NBEA: variants seen among roughly 807,000 people sequenced by gnomAD.
The protein encoded by NBEA is lysosomal-trafficking regulator 2.
In NBEA, 44 loss-of-function variants were observed where a neutral mutation model predicts 343.4. The observed-to-expected ratio is 0.13, with a 90% CI of 0.10 to 0.16. The LOEUF is 0.16. Among genes scored for constraint, NBEA ranks in the 10% least tolerant of loss-of-function variants. The pLI, the probability that NBEA is intolerant of heterozygous loss-of-function variation, is 1.00. For missense variants in NBEA, 2,555 were observed against 3,631.3 expected (o/e 0.70, Z 7.62); for synonymous variants, 1,175 against 1,238.7 (o/e 0.95, Z 1.08).
At chr13:35,513,302 ATTTTTTT>A (rs754363500) in intron 41 of NBEA, among the ~76,000 whole-genome samples, 7 of 72,260 alleles carry the variant, frequency 9.7e-5, no homozygotes, top group Admixed American at 3.6e-4. Context: ...ACACCTGGCA[ATTTTTTT>A]TTTTTTTTTT....
chr13:35,617,095 G>A (rs1397712561), intron 48 of NBEA, among the ~76,000 whole-genome samples: 4 of 152,144 alleles, frequency 2.6e-5, no homozygotes, highest in African/African-American at 9.7e-5. Context: ...GTGCATCTCT[G>A]GAAATATAAA....
chr13:35,066,021 G>A (rs961726053), intron 8 of NBEA, among the ~76,000 whole-genome samples: 16 of 152,212 alleles, frequency 1.1e-4, no homozygotes, highest in African/African-American at 3.9e-4. Flanking sequence ...GAGTGCAGTG[G>A]TGCAGTCCTA....
At chr13:35,367,452 G>GTT (rs1364107976) in intron 38 of NBEA, among the ~76,000 whole-genome samples, 198 of 151,084 alleles carry the variant, frequency 1.3e-3, no homozygotes, top group African/African-American at 4.7e-3. Context: ...ATTTTAACAG[G>GTT]CTTTCAAGTT....
intron 39 of NBEA, among the ~76,000 whole-genome samples, chr13:35,451,254 G>C (rs985665222): frequency 1.3e-5 from 2 of 152,142 alleles, no homozygotes; most frequent in East Asian, 3.9e-4. Context: ...CTCCCGGGTA[G>C]CTGGGACCAC....
chr13:34,959,858 T>C (rs1211420220), intron 1 of NBEA, among the ~76,000 whole-genome samples: 1 of 152,178 alleles, frequency 6.6e-6, no homozygotes, highest in African/African-American at 2.4e-5. Context: ...ACAAACCTAT[T>C]GCACTGCTAG....
chr13:35,084,655 A>T (rs1387893200), intron 10 of NBEA, among the ~76,000 whole-genome samples: 1 of 152,174 alleles, frequency 6.6e-6, no homozygotes, highest in East Asian at 1.9e-4. Context: ...TGACACCCTA[A>T]CATCACAATT....
At chr13:34,977,489 A>G (rs1249839663) in intron 1 of NBEA, among the ~76,000 whole-genome samples, 1 of 151,682 alleles carries the variant, frequency 6.6e-6, no homozygotes, top group Non-Finnish European at 1.5e-5. Flanking sequence ...TTGTATTTTT[A>G]GTAGATACTG....
intron 35 of NBEA, among the ~76,000 whole-genome samples, chr13:35,301,322 A>G (rs1269608342): frequency 2.0e-5 from 3 of 151,920 alleles, no homozygotes; most frequent in African/African-American, 4.8e-5. Context: ...TATTTGTCCT[A>G]ATGCTCCCCC....
rs780614108 is a variant in NBEA at position 35,606,505 on chromosome 13, A to G, written c.7376A>G (p.Glu2459Gly). 1.2e-6 allele frequency: 2 copies of G among 1,606,888 alleles called. No homozygotes were observed. Among genetic ancestry groups the G allele is most frequent in the Non-Finnish European group, 1.7e-6 (2 of 1,175,582 alleles). The change falls in exon 48 of 59, where the codon GAA becomes GGA. Residue 2459 changes from glutamate to glycine, a missense_variant. Glu to Gly is a moderately conservative substitution (Grantham distance 98). Around this residue, in one of 21 missense-constraint regions of NBEA, gnomAD observed 156 missense variants for 185.8 expected, o/e 0.84. Transcript: ENST00000379939. ...TATAATCTTGGAGTCAGAGAAGATG[A>G]AGTAGTGGTAAATGATGTTGATCTT... is the stretch of plus-strand genomic sequence containing the variant. ...NGYNLGVREDEVVVNDVDLPP... is the reference protein window; with the variant it reads ...NGYNLGVREDGVVVNDVDLPP...
At chr13:35,057,245 C>T (rs1025115976) in intron 7 of NBEA, among the ~76,000 whole-genome samples, 9 of 152,088 alleles carry the variant, frequency 5.9e-5, no homozygotes, top group East Asian at 1.9e-4. Context: ...TTTCATCTCC[C>T]GAAGGGCAGG....
intron 41 of NBEA, 93 bp downstream of exon 41, chr13:35,472,629 G>T: frequency 1.6e-6 from 2 of 1,266,136 alleles, no homozygotes; most frequent in Non-Finnish European, 1.1e-6. Context: ...GTGGAGGAGG[G>T]GAGCACATTC....
chr13:35,053,992 G>A (rs2063154954), intron 6 of NBEA, among the ~76,000 whole-genome samples: 2 of 151,994 alleles, frequency 1.3e-5, no homozygotes, highest in Admixed American at 6.6e-5. Context: ...AATTCTTCCT[G>A]CCCAGTACAT....
chr13:35,037,351 C>A (rs1473857923), intron 1 of NBEA, among the ~76,000 whole-genome samples: 1 of 152,134 alleles, frequency 6.6e-6, no homozygotes, highest in Non-Finnish European at 1.5e-5. Flanking sequence ...ATTTTGAATT[C>A]TCTGTGAAAG....
chr13:35,412,223 A>C (rs2043629869), intron 38 of NBEA, among the ~76,000 whole-genome samples: 1 of 152,186 alleles, frequency 6.6e-6, no homozygotes. Context: ...ACATGCATGC[A>C]CAAACCCACA....
intron 45 of NBEA, among the ~76,000 whole-genome samples, chr13:35,582,025 G>A (rs1316992193): frequency 3.3e-5 from 5 of 152,028 alleles, no homozygotes; most frequent in Non-Finnish European, 7.4e-5. Context: ...GGTGGCTCAC[G>A]CCTATTATCC....
chr13:35,077,894 G>T (rs2064191297), intron 10 of NBEA, among the ~76,000 whole-genome samples: 1 of 152,080 alleles, frequency 6.6e-6, no homozygotes, highest in Admixed American at 6.6e-5. Context: ...GGACATTCTA[G>T]AACATGTATT....
At chr13:35,607,575 C>T (rs1250205444) in intron 48 of NBEA, among the ~76,000 whole-genome samples, 1 of 152,060 alleles carries the variant, frequency 6.6e-6, no homozygotes, top group Non-Finnish European at 1.5e-5. Flanking sequence ...TCATTCACTC[C>T]CAAGTTTTTC....
chr13:35,258,300 T>A lies in NBEA; in HGVS notation c.5776+25681T>A, dbSNP rs147828947. On this transcript the variant is annotated intron_variant, in intron 34 of 58. Transcript: ENST00000379939. The stretch of plus-strand genomic sequence containing the variant: ...CTCCTGCCTCAGCCTCCTGAGTAGC[T>A]GGGATTACAGGCATGCGCCACCACA... 7.5e-4 allele frequency among the ~76,000 whole-genome samples: 114 copies of A among 152,160 alleles called. 1 individual carries two copies. Among genetic ancestry groups the A allele is most frequent in the African/African-American group, 2.6e-3 (107 of 41,516 alleles).
At chr13:35,450,138 T>G (rs2046233661) in intron 39 of NBEA, among the ~76,000 whole-genome samples, 1 of 152,168 alleles carries the variant, frequency 6.6e-6, no homozygotes, top group Admixed American at 6.6e-5. Context: ...AAAAGCCAAC[T>G]ATTTTACAAT....
Sources: gnomAD v4.1 joint callset for allele counts (sites outside exome capture counted in the v4.1 genomes callset) on GRCh38, gnomAD v4.1.1 for gene constraint, gnomAD v4.1.1 regional missense constraint, MANE v1.5 for transcripts, NCBI Gene and HGNC (gene_info 2026-07-23, HGNC 2026-07-21) for gene names.